Variants in RPS6KA5 observed in about 807,000 individuals in gnomAD.
RPS6KA5 encodes ribosomal protein S6 kinase alpha-5.
RPS6KA5 carries 27 observed loss-of-function variants against 85.5 expected under a neutral mutation model. The observed-to-expected ratio is 0.32, with a 90% confidence interval of 0.23 to 0.44. The LOEUF (loss-of-function observed/expected upper bound fraction) is 0.44, where lower values mean the gene tolerates loss of function less well. Ranked by LOEUF, RPS6KA5 falls within the 20% of genes least tolerant of loss-of-function variation. The pLI, the probability that RPS6KA5 is intolerant of heterozygous loss-of-function variation, is 1.00. For missense variants in RPS6KA5, 811 were observed against 980.9 expected (o/e 0.83, Z 2.31); for synonymous variants, 334 against 348.2 (o/e 0.96, Z 0.46).
chr14:90,915,468 G>A (rs2036067846), intron 7 of RPS6KA5, among the ~76,000 whole-genome samples: 1 of 152,156 alleles, frequency 6.6e-6, no homozygotes. Flanking sequence ...GCAAGGAACT[G>A]AGAGTGGCCA....
chr14:91,001,176 G>GA lies in RPS6KA5; in HGVS notation c.104-18_104-17insT. 1 of 1,552,072 alleles carries GA rather than the reference G, an allele frequency of 6.4e-7. No homozygotes were observed. The highest frequency in any genetic ancestry group is 8.8e-7 in the Non-Finnish European group (1 of 1,141,234). Reference sequence around the variant, plus strand: ...TCAAATTAGCTAAAAGAAAAAAAGAGGAAAAAAAAAACAAGAGGGTCAGCA... The same window carrying GA: ...TCAAATTAGCTAAAAGAAAAAAAGAGAGAAAAAAAAAACAAGAGGGTCAGCA... On this transcript the variant is annotated splice_polypyrimidine_tract_variant and intron_variant, in intron 1 of 16. Coordinates refer to ENST00000614987, the MANE Select transcript of RPS6KA5 (RefSeq NM_004755.4).
chr14:90,983,137 C>G (rs1205523870), intron 2 of RPS6KA5, among the ~76,000 whole-genome samples: 2 of 149,644 alleles, frequency 1.3e-5, no homozygotes, highest in East Asian at 4.0e-4. Context: ...ATTAGCTGGG[C>G]GTGGTGGCGG....
intron 1 of RPS6KA5, among the ~76,000 whole-genome samples, chr14:91,010,683 G>T (rs1329196873): frequency 2.0e-5 from 3 of 152,162 alleles, no homozygotes; most frequent in Non-Finnish European, 4.4e-5. Flanking sequence ...AGGAATGAGG[G>T]TATAATGAAA....
At chr14:90,943,216 A>G (rs2037677661) in intron 4 of RPS6KA5, 31 bp from the exon 5 acceptor site, 1 of 1,291,890 alleles carries the variant, frequency 7.7e-7, no homozygotes, top group Non-Finnish European at 1.1e-6. Context: ...AAATTTTAAA[A>G]TAATTTACAA....
At chr14:90,996,116 A>C (rs1390787602) in intron 2 of RPS6KA5, among the ~76,000 whole-genome samples, 2 of 151,970 alleles carry the variant, frequency 1.3e-5, no homozygotes, top group African/African-American at 4.8e-5. Flanking sequence ...GACTCAAGAG[A>C]TATTCCTACC....
At chr14:90,970,621 A>T (rs1383632850) in intron 3 of RPS6KA5, among the ~76,000 whole-genome samples, 1 of 152,228 alleles carries the variant, frequency 6.6e-6, no homozygotes, top group Non-Finnish European at 1.5e-5. Flanking sequence ...CACTAACAGA[A>T]ACCAGAAAAC....
At chr14:90,978,255 G>T in intron 3 of RPS6KA5, 51 bp downstream of exon 3, 2 of 1,366,404 alleles carry the variant, frequency 1.5e-6, no homozygotes, top group South Asian at 1.4e-5. Context: ...TATAACTTAA[G>T]ACCCAAAGAA....
intron 1 of RPS6KA5, among the ~76,000 whole-genome samples, chr14:91,015,447 T>C (rs979761871): frequency 2.0e-5 from 3 of 152,186 alleles, no homozygotes; most frequent in Non-Finnish European, 4.4e-5. Context: ...TTTATTTTGT[T>C]TATTATGTTT....
intron 2 of RPS6KA5, among the ~76,000 whole-genome samples, chr14:90,997,682 G>A (rs1303882786): frequency 2.0e-5 from 3 of 152,120 alleles, no homozygotes; most frequent in African/African-American, 7.2e-5. Context: ...ACAAAATGTG[G>A]TATATCTGTA....
intron 1 of RPS6KA5, among the ~76,000 whole-genome samples, chr14:91,046,852 A>G (rs1009777289): frequency 6.6e-6 from 1 of 152,048 alleles, no homozygotes; most frequent in Non-Finnish European, 1.5e-5. Flanking sequence ...TAAAAATAGC[A>G]TGAACACCAT....
chr14:90,951,299 T>C (rs1595309814), intron 3 of RPS6KA5, among the ~76,000 whole-genome samples: 3 of 151,802 alleles, frequency 2.0e-5, no homozygotes, highest in Middle Eastern at 6.8e-3. Context: ...CTGGCTAACA[T>C]GGTGAAACCC....
intron 13 of RPS6KA5, chr14:90,894,095 T>G: frequency 2.0e-6 from 2 of 984,800 alleles, no homozygotes; most frequent in Non-Finnish European, 2.4e-6. Flanking sequence ...ATGTAAGAGA[T>G]ATTATTTTCT....
At chr14:90,903,058 G>T in intron 8 of RPS6KA5, 89 bp from the exon 9 acceptor site, 1 of 1,097,406 alleles carries the variant, frequency 9.1e-7, no homozygotes, top group Non-Finnish European at 1.3e-6. Context: ...ATTTTGACTG[G>T]TAGGGAGAGA....
At chr14:90,986,434 T>A (rs1197180721) in intron 2 of RPS6KA5, among the ~76,000 whole-genome samples, 3 of 150,806 alleles carry the variant, frequency 2.0e-5, no homozygotes, top group African/African-American at 7.4e-5. Context: ...GTAAACATGA[T>A]TACCAGAGCA....
intron 3 of RPS6KA5, among the ~76,000 whole-genome samples, chr14:90,951,298 A>G (rs2038171707): frequency 6.6e-6 from 1 of 151,980 alleles, no homozygotes; most frequent in South Asian, 2.1e-4. Context: ...CCTGGCTAAC[A>G]TGGTGAAACC....
At chr14:90,904,249 C>A (rs1216114488) in intron 8 of RPS6KA5, among the ~76,000 whole-genome samples, 1 of 152,128 alleles carries the variant, frequency 6.6e-6, no homozygotes, top group Non-Finnish European at 1.5e-5. Context: ...AGAAAACAAA[C>A]AAAAAACCCA....
At chr14:90,888,017 C>T (rs944577643) in intron 14 of RPS6KA5, among the ~76,000 whole-genome samples, 1 of 147,052 alleles carries the variant, frequency 6.8e-6, no homozygotes, top group Non-Finnish European at 1.5e-5. Context: ...CAGTAAGATG[C>T]AAACATTGTT....
rs1555363486 is a variant in RPS6KA5 at position 90,926,696 on chromosome 14, T to TGTAC, written c.619-3501_619-3500insGTAC. ...GTGTGTGTGTGTGTGTGTGTGTGTG[T>TGTAC]ACATATCTCACAGGTCCATTCCTAG... On this transcript the variant is annotated intron_variant, in intron 5 of 16. Coordinates refer to ENST00000614987, the MANE Select transcript of RPS6KA5 (RefSeq NM_004755.4). Among the ~76,000 whole-genome samples, 46 of 151,316 alleles carry TGTAC rather than the reference T, an allele frequency of 3.0e-4. 1 individual carries two copies. Among genetic ancestry groups the TGTAC allele is most frequent in the African/African-American group, 1.0e-3 (41 of 41,206 alleles).
In RPS6KA5 at chr14:90,965,176, T is replaced by C. The variant is rs113236326; in HGVS notation, c.394+13130A>G. On this transcript the variant is annotated intron_variant, in intron 3 of 16. Transcript: ENST00000614987. ...TTTGTAAGGCAGGCAGATCACGAGGTCAGGTCGAGACCAGCCTGGCCAACA... is the reference window on the plus strand; with the variant it reads ...TTTGTAAGGCAGGCAGATCACGAGGCCAGGTCGAGACCAGCCTGGCCAACA... 4.7e-3 allele frequency among the ~76,000 whole-genome samples: 718 copies of C among 151,874 alleles called. 6 individuals carry two copies. The highest frequency in any genetic ancestry group is 0.016 in the African/African-American group (679 of 41,424).
Sources: gnomAD v4.1 joint callset for allele counts (sites outside exome capture counted in the v4.1 genomes callset) on GRCh38, gnomAD v4.1.1 for gene constraint, MANE v1.5 for transcripts, NCBI Gene and HGNC (gene_info 2026-07-23, HGNC 2026-07-21) for gene names.